Variants in BPNT1 observed in about 807,000 individuals in gnomAD.
BPNT1 encodes the protein 3'(2'), 5'-bisphosphate nucleotidase 1.
A neutral mutation model predicts 36.9 loss-of-function variants in BPNT1; 28 were observed. The ratio of observed to expected loss-of-function variants is 0.76; its 90% CI spans 0.56 to 1.04. The LOEUF (loss-of-function observed/expected upper bound fraction) is 1.04. BPNT1 is among the 50% of genes least tolerant of loss of function. The probability of loss-of-function intolerance (pLI) is 0.00; values close to 1 mark genes in which losing one functional copy is unlikely to be tolerated. For missense variants in BPNT1, 313 were observed against 372.9 expected (o/e 0.84, Z 1.32); for synonymous variants, 119 against 130.9 (o/e 0.91, Z 0.62).
At position 220,078,610 on chromosome 1, in the gene BPNT1, T is replaced by G. The variant is rs553341364; in HGVS notation, c.120+1117A>C. Among the ~76,000 whole-genome samples the G allele has an allele frequency of 4.1e-5, 6 of 147,620 alleles. No individual in the cohort carries two copies. In the Admixed American group the frequency reaches 4.2e-4, roughly 10 times the overall value. The stretch of plus-strand genomic sequence containing the variant: ...AATAACACACATATATATATATATT[T>G]TTTTGAGATGTAGTCTTGCTTTTGT... On this transcript the variant is annotated intron_variant, in intron 2 of 8. Transcript: ENST00000322067.
chr1:220,059,123 C>A (rs1662775622), intron 8 of BPNT1, 131 bp from the exon 9 acceptor site: 1 of 776,368 alleles, frequency 1.3e-6, no homozygotes, highest in Admixed American at 2.7e-5. Context: ...TAATGAGTGT[C>A]CATAAAGGTT....
intron 1 of BPNT1, among the ~76,000 whole-genome samples, chr1:220,088,884 G>A (rs1247658752): frequency 6.6e-6 from 1 of 151,432 alleles, no homozygotes; most frequent in African/African-American, 2.4e-5. Context: ...CAGATCACGA[G>A]GTCAGGAGAT....
intron 1 of BPNT1, among the ~76,000 whole-genome samples, chr1:220,084,684 C>A (rs1655548095): frequency 6.6e-6 from 1 of 152,234 alleles, no homozygotes. Flanking sequence ...GACTCAACTA[C>A]TTCCCCTTGT....
chr1:220,074,315 A>C lies in BPNT1; in HGVS notation c.121-244T>G, dbSNP rs140560505. Among the ~76,000 whole-genome samples the C allele has an allele frequency of 2.0e-5, 3 of 152,336 alleles. No individual in the cohort carries two copies. In the East Asian group the frequency reaches 5.8e-4, roughly 29 times the overall value. ...TTCTTCCCTAGTTTAGAAATTCCTT[A>C]TCTCTAGACATCAACCTTTTGCTTA... On this transcript the variant is annotated intron_variant, in intron 2 of 8. Transcript: ENST00000322067.
intron 1 of BPNT1, among the ~76,000 whole-genome samples, chr1:220,088,587 C>G (rs896334342): frequency 2.0e-5 from 3 of 150,926 alleles, no homozygotes; most frequent in Non-Finnish European, 4.4e-5. Flanking sequence ...CTCAGGAGTT[C>G]GAGACCAGCC....
At chr1:220,080,999 C>CT (rs1478267506) in intron 1 of BPNT1, among the ~76,000 whole-genome samples, 2 of 152,208 alleles carry the variant, frequency 1.3e-5, no homozygotes, top group African/African-American at 4.8e-5. Flanking sequence ...GAGTCTCGCT[C>CT]TGTCGCCCAG....
intron 6 of BPNT1, chr1:220,066,043 T>C (rs1286990495): frequency 2.0e-6 from 3 of 1,502,598 alleles, no homozygotes; most frequent in Non-Finnish European, 2.7e-6. Context: ...TACCTACTAG[T>C]GGAGCCAAAA....
At chr1:220,088,769 G>A (rs547617446) in intron 1 of BPNT1, among the ~76,000 whole-genome samples, 7 of 149,598 alleles carry the variant, frequency 4.7e-5, no homozygotes, top group Admixed American at 2.7e-4. Flanking sequence ...CAGCCTGGGG[G>A]ACAGAGCTAG....
At chr1:220,077,900 C>T (rs952174704) in intron 2 of BPNT1, among the ~76,000 whole-genome samples, 3 of 152,020 alleles carry the variant, frequency 2.0e-5, no homozygotes. Context: ...TGTAATGGCT[C>T]ATACCTGTAC....
chr1:220,067,172 A>T (rs1338861812), intron 6 of BPNT1, 130 bp downstream of exon 6: 1 of 306,294 alleles, frequency 3.3e-6, no homozygotes, highest in African/African-American at 2.2e-5. Context: ...AAAATTTAAA[A>T]AATGAAAAGT....
intron 1 of BPNT1, among the ~76,000 whole-genome samples, chr1:220,082,303 C>T (rs1558102219): frequency 6.6e-6 from 1 of 151,254 alleles, no homozygotes; most frequent in African/African-American, 2.4e-5. Flanking sequence ...GCCTCAGCCT[C>T]GTGAGTAGCT....
rs1182017907 is a variant in BPNT1, at chr1:220,058,446, A to G, written c.*398T>C. The G allele has an allele frequency of 8.3e-6, 8 of 969,682 alleles. No individual in the cohort carries two copies. Among genetic ancestry groups the G allele is most frequent in the Non-Finnish European group, 9.8e-6 (8 of 813,598 alleles). The allele number at this position is 969,682 out of a possible 1,614,324, so 60.1% of individuals were successfully genotyped here. On this transcript the variant is annotated 3_prime_UTR_variant, in exon 9 of 9. Coordinates refer to ENST00000322067, the MANE Select transcript of BPNT1 (RefSeq NM_006085.6). ...TGAATAAAGGTGGAACTCTAATTCT[A>G]CCCAATTAATCTTAAAATGTATTAT...
chr1:220,067,492 G>T, intron 5 of BPNT1, 99 bp from the exon 6 acceptor site: 1 of 718,112 alleles, frequency 1.4e-6, no homozygotes, highest in Non-Finnish European at 2.3e-6. Flanking sequence ...GTTAAGGTAT[G>T]GAATTTGCAA....
At chr1:220,078,260 A>T (rs1664737987) in intron 2 of BPNT1, among the ~76,000 whole-genome samples, 1 of 146,840 alleles carries the variant, frequency 6.8e-6, no homozygotes, top group African/African-American at 2.5e-5. Context: ...ACTTACGTGT[A>T]AAATTTGTAA....
chr1:220,082,711 C>G (rs931491835), intron 1 of BPNT1, among the ~76,000 whole-genome samples: 1 of 151,168 alleles, frequency 6.6e-6, no homozygotes, highest in Non-Finnish European at 1.5e-5. Context: ...TTCAGCCTCC[C>G]GAGTAGCTGA....
At chr1:220,072,778 G>A (rs1664183560) in intron 4 of BPNT1, 72 bp downstream of exon 4, 2 of 1,256,064 alleles carry the variant, frequency 1.6e-6, no homozygotes, top group Non-Finnish European at 2.3e-6. Flanking sequence ...CATCTTACAT[G>A]CAAATATTAT....
rs1026917717 is a variant in BPNT1 at position 220,058,046 on chromosome 1, G to A, written c.*798C>T. 5.2e-6 allele frequency: 3 copies of A among 572,168 alleles called. No homozygotes were observed. The highest frequency in any genetic ancestry group is 2.8e-5 in the South Asian group (1 of 35,266). 35.4% of individuals were successfully genotyped at this position (572,168 alleles called of 1,614,324 possible). A position where few individuals can be genotyped will look rare whatever the true frequency, so the allele number is the denominator to read the frequency against. ...CAAAAAATTAGCCAGGCGTGGTGGC[G>A]GTGCCTGCAGTCCCAGCTACTCGGG... On this transcript the variant is annotated 3_prime_UTR_variant, in exon 9 of 9. Transcript: ENST00000322067.
chr1:220,066,869 T>C (rs924495854), intron 6 of BPNT1: 1 of 152,390 alleles, frequency 6.6e-6, no homozygotes, highest in African/African-American at 2.4e-5. Flanking sequence ...TTGAATGTGC[T>C]TCAGGAACCA....
chr1:220,087,314 C>T (rs112494414), intron 1 of BPNT1, among the ~76,000 whole-genome samples: 1 of 151,984 alleles, frequency 6.6e-6, no homozygotes, highest in African/African-American at 2.4e-5. Context: ...CCCAGCACTT[C>T]GGGAGGCCAA....
Sources: allele counts gnomAD v4.1 joint callset (sites outside exome capture counted in the v4.1 genomes callset), GRCh38; gene constraint gnomAD v4.1.1; transcripts MANE v1.5; gene names NCBI Gene and HGNC (gene_info 2026-07-23, HGNC 2026-07-21).